Variants in FNDC3A observed in about 807,000 individuals in gnomAD.
The protein encoded by FNDC3A is fibronectin type III domain containing 3A.
Under a neutral mutation model 148.9 loss-of-function variants are expected in FNDC3A, and 32 were observed. The ratio of observed to expected loss-of-function variants is 0.21; its 90% CI spans 0.16 to 0.29. The LOEUF (loss-of-function observed/expected upper bound fraction) is 0.29, where lower values mean the gene tolerates loss of function less well. Among genes scored for constraint, FNDC3A ranks in the 10% least tolerant of loss-of-function variants. The pLI is 1.00. For synonymous variants in FNDC3A, 472 were observed against 473.6 expected, an observed-to-expected ratio of 1.00 and a Z score of 0.04; for missense variants, 1,191 against 1,452.8, an observed-to-expected ratio of 0.82 and a Z score of 2.93.
At position 49,197,806 on chromosome 13, in the gene FNDC3A, T is replaced by C; in HGVS notation, c.2422T>C (p.Cys808Arg). ...TGAAGGAAGTATGCAGATATGTTACTGTGGGCCTGGTCTCAGTTATGAAAT... is the reference window on the plus strand; with the variant it reads ...TGAAGGAAGTATGCAGATATGTTACCGTGGGCCTGGTCTCAGTTATGAAAT... Reference protein sequence around the residue: ...GVEGSMQICYCGPGLSYEIKG... With the variant: ...GVEGSMQICYRGPGLSYEIKG... The change falls in exon 21 of 26, where the codon TGT (cysteine) becomes CGT (arginine). Residue 808 changes from cysteine to arginine, a missense_variant. This residue lies in a region of FNDC3A where 751 missense variants were observed against 944.0 expected (regional missense o/e 0.80). Transcript: ENST00000492622. 1 of 1,611,908 alleles carries C rather than the reference T, an allele frequency of 6.2e-7. No homozygotes were observed. The highest frequency in any genetic ancestry group is 8.5e-7 in the Non-Finnish European group (1 of 1,179,468).
chr13:49,177,710 G>T (rs1885102118), intron 13 of FNDC3A, among the ~76,000 whole-genome samples: 1 of 152,138 alleles, frequency 6.6e-6, no homozygotes, highest in African/African-American at 2.4e-5. Flanking sequence ...CATAAAAAGA[G>T]TACCAGTATA....
In FNDC3A at chr13:49,115,645, T is replaced by C. The variant is rs79424060; in HGVS notation, c.252+914T>C. Among the ~76,000 whole-genome samples, 796 of 152,302 alleles carry C rather than the reference T, an allele frequency of 5.2e-3. 11 individuals are homozygous for C. Among genetic ancestry groups the C allele is most frequent in the Non-Finnish European group, 4.1e-3 (278 of 68,026 alleles). Reference sequence around the variant, plus strand: ...TTATTTCAAACCTTTGCTGGCTGCATGGTCTTGGGCAAATCAACTTCCTTC... The same window carrying C: ...TTATTTCAAACCTTTGCTGGCTGCACGGTCTTGGGCAAATCAACTTCCTTC... On this transcript the variant is annotated intron_variant, in intron 4 of 25. Coordinates refer to ENST00000492622, the MANE Select transcript of FNDC3A (RefSeq NM_001079673.2).
chr13:49,174,436 GA>G lies in FNDC3A; in HGVS notation c.1236del (p.Gly413GlufsTer63). 1 of 1,609,320 alleles carries G rather than the reference GA, an allele frequency of 6.2e-7. No individual in the cohort carries two copies. The highest frequency in any genetic ancestry group is 8.5e-7 in the Non-Finnish European group (1 of 1,176,098). On this transcript the variant is annotated frameshift_variant and splice_region_variant, in exon 12 of 26. Coordinates refer to ENST00000492622, the MANE Select transcript of FNDC3A (RefSeq NM_001079673.2). LOFTEE classifies it high-confidence loss of function. The part of the protein sequence containing the change: ...IQNFVLEWDE[G>X]KGNGEFCQCY... ...ATAATAATCAGCCATTTCTTGTAGG[GA>G]AAAGGAAATGGAGAATTTTGTCAGT...
chr13:49,056,628 C>G (rs1402313441), intron 2 of FNDC3A, among the ~76,000 whole-genome samples: 1 of 152,098 alleles, frequency 6.6e-6, no homozygotes, highest in Non-Finnish European at 1.5e-5. Context: ...AACTTCCTTT[C>G]TATATTTTAC....
chr13:49,012,732 T>C (rs1160648115), intron 2 of FNDC3A, among the ~76,000 whole-genome samples: 3 of 151,924 alleles, frequency 2.0e-5, no homozygotes, highest in African/African-American at 7.3e-5. Flanking sequence ...TTTTATAATT[T>C]TTCCCATAAA....
At chr13:49,070,279 C>T (rs547750769) in intron 2 of FNDC3A, among the ~76,000 whole-genome samples, 2 of 151,816 alleles carry the variant, frequency 1.3e-5, no homozygotes, top group East Asian at 3.9e-4. Context: ...TTACAGGCAC[C>T]CGCCACCACG....
intron 8 of FNDC3A, among the ~76,000 whole-genome samples, chr13:49,151,992 G>A (rs1386763175): frequency 6.6e-6 from 1 of 152,124 alleles, no homozygotes; most frequent in Non-Finnish European, 1.5e-5. Flanking sequence ...TAGACATTTG[G>A]GTTGATTCCA....
At chr13:49,048,950 G>A (rs1875623849) in intron 2 of FNDC3A, among the ~76,000 whole-genome samples, 1 of 152,086 alleles carries the variant, frequency 6.6e-6, no homozygotes, top group Admixed American at 6.5e-5. Flanking sequence ...TTGGCTGTGG[G>A]TTTGTCATAG....
intron 8 of FNDC3A, among the ~76,000 whole-genome samples, chr13:49,149,398 A>G (rs879677892): frequency 7.2e-5 from 11 of 152,020 alleles, no homozygotes; most frequent in Non-Finnish European, 1.6e-4. Flanking sequence ...TTGTTGAAAG[A>G]TTTTATGAAG....
chr13:49,157,629 G>A (rs1883784701), intron 8 of FNDC3A, among the ~76,000 whole-genome samples: 1 of 150,754 alleles, frequency 6.6e-6, no homozygotes, highest in Non-Finnish European at 1.5e-5. Context: ...TTTCTGTTCT[G>A]TTTTTTCCCC....
intron 1 of FNDC3A, among the ~76,000 whole-genome samples, chr13:49,000,283 A>G (rs546419454): frequency 6.6e-6 from 1 of 152,340 alleles, no homozygotes; most frequent in South Asian, 2.1e-4. Context: ...ATCCAAATTC[A>G]TTATTTTGCA....
chr13:49,025,583 C>G (rs1489532007), intron 2 of FNDC3A, among the ~76,000 whole-genome samples: 1 of 152,030 alleles, frequency 6.6e-6, no homozygotes, highest in Non-Finnish European at 1.5e-5. Flanking sequence ...TTAACTGATA[C>G]ACTAATGAGT....
rs1951918507 is a variant in FNDC3A at position 48,991,591 on chromosome 13, G to A, written c.-39-14561G>A. ...TAGACCCAGCTACTAGGAAGGCTGA[G>A]GTGGGAGGATTGCTTGAACCTGGGA... On this transcript the variant is annotated intron_variant, in intron 1 of 25. Coordinates refer to ENST00000492622, the MANE Select transcript of FNDC3A (RefSeq NM_001079673.2). Among the ~76,000 whole-genome samples the A allele has an allele frequency of 2.0e-5, 3 of 152,098 alleles. No homozygotes were observed. In the South Asian group the frequency reaches 6.2e-4, roughly 32 times the overall value.
At chr13:49,000,751 A>G (rs1207542746) in intron 1 of FNDC3A, among the ~76,000 whole-genome samples, 1 of 152,036 alleles carries the variant, frequency 6.6e-6, no homozygotes, top group Non-Finnish European at 1.5e-5. Context: ...TTCTTTCAGC[A>G]GTGTTTTGTA....
chr13:49,001,371 T>C (rs1928107), intron 1 of FNDC3A, among the ~76,000 whole-genome samples: 62,140 of 151,952 alleles, frequency 0.41, 13,379 homozygotes, highest in East Asian at 0.52. Flanking sequence ...TTGGGTTAAC[T>C]GCACAAATTG....
intron 2 of FNDC3A, among the ~76,000 whole-genome samples, chr13:49,009,215 A>G (rs183558759): frequency 2.6e-5 from 4 of 152,314 alleles, no homozygotes; most frequent in Middle Eastern, 3.4e-3. Context: ...TAAGAATGCA[A>G]TACAGTATGT....
At chr13:48,998,204 T>C (rs1400366579) in intron 1 of FNDC3A, among the ~76,000 whole-genome samples, 1 of 152,212 alleles carries the variant, frequency 6.6e-6, no homozygotes, top group Non-Finnish European at 1.5e-5. Flanking sequence ...ACTTGTGAAC[T>C]GTTAAATTGG....
chr13:49,131,882 C>T (rs1199427403), intron 5 of FNDC3A, among the ~76,000 whole-genome samples: 3 of 152,182 alleles, frequency 2.0e-5, no homozygotes, highest in African/African-American at 7.2e-5. Flanking sequence ...TATTATGTCC[C>T]ATAGCTTTAA....
chr13:49,157,306 A>G (rs1883757321), intron 8 of FNDC3A, among the ~76,000 whole-genome samples: 1 of 127,450 alleles, frequency 7.8e-6, no homozygotes, highest in African/African-American at 3.1e-5. Flanking sequence ...CTTCCAGTTG[A>G]TCGCATCAGC....
Sources: gnomAD v4.1 joint callset for allele counts (sites outside exome capture counted in the v4.1 genomes callset) on GRCh38, gnomAD v4.1.1 for gene constraint, gnomAD v4.1.1 regional missense constraint, MANE v1.5 for transcripts, NCBI Gene and HGNC (gene_info 2026-07-23, HGNC 2026-07-21) for gene names.